The following RAPGEF2 variants were observed in gnomAD, a reference collection of about 807,000 sequenced individuals.
The protein encoded by RAPGEF2 is Rap guanine nucleotide exchange factor 2.
In RAPGEF2, 54 loss-of-function variants were observed where a neutral mutation model predicts 186.7. The ratio of observed to expected loss-of-function variants is 0.29; its 90% CI spans 0.23 to 0.36. RAPGEF2 has a LOEUF of 0.36. RAPGEF2 is among the 10% of genes least tolerant of loss of function. The pLI is 1.00. For missense variants in RAPGEF2, 1,532 were observed against 2,045.0 expected, an observed-to-expected ratio of 0.75 and a Z score of 4.84; for synonymous variants, 712 against 705.9, an observed-to-expected ratio of 1.01 and a Z score of -0.14.
In RAPGEF2 at chr4:159,252,872, CAA is replaced by C. The variant is rs537747525; in HGVS notation, c.543+9085_543+9086del. Among the ~76,000 whole-genome samples, 381 of 152,158 alleles carry C rather than the reference CAA, an allele frequency of 2.5e-3. 6 individuals carry two copies. The highest frequency in any genetic ancestry group is 0.022 in the Admixed American group (341 of 15,284). On this transcript the variant is annotated intron_variant, in intron 7 of 29. Coordinates refer to ENST00000691494, the MANE Select transcript of RAPGEF2 (RefSeq NM_001394067.2). The stretch of plus-strand genomic sequence containing the variant: ...TTATTTACCATATTAAAAATTGAAA[CAA>C]AAAGTTTTAAATATGTATCCATTGA...
intron 1 of RAPGEF2, among the ~76,000 whole-genome samples, chr4:159,145,440 T>A (rs1166976886): frequency 1.3e-5 from 2 of 152,056 alleles, no homozygotes; most frequent in African/African-American, 4.8e-5. Flanking sequence ...AAACATGTGA[T>A]CTATATAACA....
At chr4:159,262,152 C>A (rs1756947895) in intron 7 of RAPGEF2, among the ~76,000 whole-genome samples, 1 of 152,166 alleles carries the variant, frequency 6.6e-6, no homozygotes, top group Non-Finnish European at 1.5e-5. Context: ...CACTATGTGT[C>A]AAGTACTAGG....
chr4:159,358,250 C>A lies in RAPGEF2; in HGVS notation c.*111C>A. 9.2e-7 allele frequency: 1 copy of A among 1,088,238 alleles called. No homozygotes were observed. The highest frequency in any genetic ancestry group is 1.3e-6 in the Non-Finnish European group (1 of 745,754). The allele number at this position is 1,088,238 out of a possible 1,614,324, so 67.4% of individuals were successfully genotyped here. A position where few individuals can be genotyped will look rare whatever the true frequency, so the allele number is the denominator to read the frequency against. On this transcript the variant is annotated 3_prime_UTR_variant, in exon 30 of 30. Coordinates refer to ENST00000691494, the MANE Select transcript of RAPGEF2 (RefSeq NM_001394067.2). ...ATTCTGAGGACGGTGGACCAGTTTG[C>A]CTCCTTCCCTGCCTTAAAAGCAGCA...
At chr4:159,343,243 T>C (rs780434179) in intron 21 of RAPGEF2, 38 bp from the exon 22 acceptor site, 1 of 1,614,036 alleles carries the variant, frequency 6.2e-7, no homozygotes, top group Non-Finnish European at 8.5e-7. Flanking sequence ...ACAGAATAAA[T>C]GCCATGTGAT....
chr4:159,288,114 C>T (rs1417596887), intron 7 of RAPGEF2, among the ~76,000 whole-genome samples: 2 of 152,198 alleles, frequency 1.3e-5, no homozygotes, highest in African/African-American at 2.4e-5. Flanking sequence ...CATCTTGGAA[C>T]TAGCCATGTA....
In RAPGEF2 at chr4:159,103,355, CGCCGGG is replaced by C. The variant is rs1258633308; in HGVS notation, c.-805_-800del. 2.6e-5 allele frequency: 4 copies of C among 151,456 alleles called. No homozygotes were observed. Among genetic ancestry groups the C allele is most frequent in the Admixed American group, 2.0e-4 (3 of 15,108 alleles). 9.4% of individuals were successfully genotyped at this position (151,456 alleles called of 1,614,324 possible). On this transcript the variant is annotated 5_prime_UTR_variant, in exon 1 of 30. Coordinates refer to ENST00000691494, the MANE Select transcript of RAPGEF2 (RefSeq NM_001394067.2). ...GGTGCTCTGGCCGCGGCGGCGCCGG[CGCCGGG>C]GCAGCTCCGCTCCGGGCGCGCTGAT... is the stretch of plus-strand genomic sequence containing the variant.
At chr4:159,193,092 C>T in intron 2 of RAPGEF2, 108 bp from the exon 3 acceptor site, 2 of 479,248 alleles carry the variant, frequency 4.2e-6, no homozygotes, top group Non-Finnish European at 6.7e-6. Context: ...TGTGACAAAC[C>T]ATATAAAATA....
chr4:159,262,321 C>G (rs1324341495), intron 7 of RAPGEF2, among the ~76,000 whole-genome samples: 1 of 151,942 alleles, frequency 6.6e-6, no homozygotes, highest in African/African-American at 2.4e-5. Flanking sequence ...CATATTAATC[C>G]CAAGGGAATA....
chr4:159,274,430 A>G (rs1337745555), intron 7 of RAPGEF2, among the ~76,000 whole-genome samples: 1 of 152,190 alleles, frequency 6.6e-6, no homozygotes, highest in Non-Finnish European at 1.5e-5. Flanking sequence ...AATATTTTAA[A>G]AATAAAACGA....
chr4:159,226,855 T>C (rs1204672562), intron 4 of RAPGEF2, among the ~76,000 whole-genome samples: 1 of 152,202 alleles, frequency 6.6e-6, no homozygotes, highest in African/African-American at 2.4e-5. Flanking sequence ...AGAACAAGTA[T>C]GGGCTCATGA....
intron 1 of RAPGEF2, among the ~76,000 whole-genome samples, chr4:159,134,114 TTTG>T (rs1327555908): frequency 2.6e-5 from 4 of 152,228 alleles, no homozygotes; most frequent in African/African-American, 9.6e-5. Context: ...CCCTTGTGCC[TTTG>T]TGCCTTTTTG....
chr4:159,185,617 CA>C (rs1747479409), intron 1 of RAPGEF2, among the ~76,000 whole-genome samples: 1 of 152,118 alleles, frequency 6.6e-6, no homozygotes, highest in Non-Finnish European at 1.5e-5. Flanking sequence ...CCAGAATAGG[CA>C]AACTCATAGA....
At position 159,186,681 on chromosome 4, in the gene RAPGEF2, G is replaced by C; in HGVS notation, c.109G>C (p.Ala37Pro). Residue 37 changes from alanine (A) to proline (P), a missense_variant, in exon 2 of 30, where the codon GCC becomes CCC. Ala to Pro is a conservative substitution (Grantham distance 27, BLOSUM62 -1). Transcript: ENST00000691494. Reference sequence around the variant, plus strand: ...ATATTCCTATTTACATGGTATGGAAGCCTTATCAAACTTGAGGGAGCATCA... The same window carrying C: ...ATATTCCTATTTACATGGTATGGAACCCTTATCAAACTTGAGGGAGCATCA... ...IVYSYLHGME[A>P]LSNLREHQLR... 1.4e-6 allele frequency: 2 copies of C among 1,475,772 alleles called. No homozygotes were observed. Among genetic ancestry groups the C allele is most frequent in the Non-Finnish European group, 1.8e-6 (2 of 1,100,558 alleles). The allele number at this position is 1,475,772 out of a possible 1,614,324, so 91.4% of individuals were successfully genotyped here. A position where few individuals can be genotyped will look rare whatever the true frequency, so the allele number is the denominator to read the frequency against.
intron 1 of RAPGEF2, among the ~76,000 whole-genome samples, chr4:159,138,540 C>T (rs1475061966): frequency 6.6e-6 from 1 of 152,070 alleles, no homozygotes; most frequent in Non-Finnish European, 1.5e-5. Context: ...GTTCATATCT[C>T]TTTGGCTTGA....
intron 26 of RAPGEF2, among the ~76,000 whole-genome samples, chr4:159,351,859 G>T (rs772375200): frequency 3.9e-5 from 6 of 152,204 alleles, no homozygotes; most frequent in Non-Finnish European, 8.8e-5. Flanking sequence ...GCTGAGGCAG[G>T]AGAATCGCTT....
At chr4:159,145,797 G>A (rs1742898697) in intron 1 of RAPGEF2, among the ~76,000 whole-genome samples, 1 of 152,196 alleles carries the variant, frequency 6.6e-6, no homozygotes, top group Non-Finnish European at 1.5e-5. Context: ...GGGCTGAGCA[G>A]ATCTAAGCCA....
rs1767774704 is a variant in RAPGEF2, at chr4:159,338,387, C to T, written c.2212C>T (p.Pro738Ser). 1 of 1,613,910 alleles carries T rather than the reference C, an allele frequency of 6.2e-7. No individual in the cohort carries two copies. Among genetic ancestry groups the T allele is most frequent in the Non-Finnish European group, 8.5e-7 (1 of 1,179,870 alleles). The change falls in exon 18 of 30, where the codon CCT (proline) becomes TCT (serine). Residue 738 changes from proline to serine, a missense_variant. This residue lies in a region of RAPGEF2 where 810 missense variants were observed against 1,210.5 expected (regional missense o/e 0.67). Coordinates refer to ENST00000691494, the MANE Select transcript of RAPGEF2 (RefSeq NM_001394067.2). ...GACAAAGCACATCCCAACTGCATTG[C>T]CTGTCAGTGGAACCTTATCATCCAG... ...RQTKHIPTAL[P>S]VSGTLSSSNP...
chr4:159,113,898 A>G (rs1738767216), intron 1 of RAPGEF2, among the ~76,000 whole-genome samples: 1 of 152,118 alleles, frequency 6.6e-6, no homozygotes, highest in African/African-American at 2.4e-5. Flanking sequence ...TTGAAAGCAC[A>G]CACACACATA....
chr4:159,149,896 A>T (rs1199874124), intron 1 of RAPGEF2, among the ~76,000 whole-genome samples: 1 of 152,180 alleles, frequency 6.6e-6, no homozygotes, highest in African/African-American at 2.4e-5. Flanking sequence ...TTGAAAATGT[A>T]ATTTCAAAAC....
Sources: gnomAD v4.1 joint callset for allele counts (sites outside exome capture counted in the v4.1 genomes callset) on GRCh38, gnomAD v4.1.1 for gene constraint, gnomAD v4.1.1 regional missense constraint, MANE v1.5 for transcripts, NCBI Gene and HGNC (gene_info 2026-07-23, HGNC 2026-07-21) for gene names.